RNF216: variants seen among roughly 807,000 people sequenced by gnomAD.
RNF216 encodes the protein ring finger protein 216, also known as E3 ubiquitin-protein ligase RNF216.
RNF216 carries 72 observed loss-of-function variants against 110.8 expected under a neutral mutation model. The ratio of observed to expected loss-of-function variants is 0.65; its 90% CI spans 0.54 to 0.79. RNF216 has a LOEUF of 0.79. Among genes scored for constraint, RNF216 ranks in the 30% least tolerant of loss-of-function variants. RNF216 has a pLI of 0.00. For missense variants in RNF216, 1,342 were observed against 1,141.2 expected (o/e 1.18, Z -2.54); for synonymous variants, 495 against 407.5 (o/e 1.21, Z -2.59).
At chr7:5,730,494 C>T (rs1794023675) in intron 6 of RNF216, among the ~76,000 whole-genome samples, 1 of 152,164 alleles carries the variant, frequency 6.6e-6, no homozygotes, top group African/African-American at 2.4e-5. Context: ...ATAAGAATTA[C>T]AAGGAAAGAT....
chr7:5,738,868 T>C (rs1794591455), intron 5 of RNF216, among the ~76,000 whole-genome samples: 1 of 152,172 alleles, frequency 6.6e-6, no homozygotes, highest in Admixed American at 6.5e-5. Flanking sequence ...CATAATTCTA[T>C]AACCATGCAG....
At chr7:5,660,319 G>A (rs1325033140) in intron 13 of RNF216, among the ~76,000 whole-genome samples, 2 of 82,844 alleles carry the variant, frequency 2.4e-5, no homozygotes, top group African/African-American at 8.5e-5. Context: ...TTGAGATGGA[G>A]TCTCGCTTTG....
intron 13 of RNF216, among the ~76,000 whole-genome samples, chr7:5,664,364 T>C (rs539057877): frequency 1.3e-5 from 2 of 152,290 alleles, no homozygotes; most frequent in East Asian, 1.9e-4. Context: ...CCCTAATGTC[T>C]TTCCCCAATT....
At chr7:5,687,791 G>A (rs1287938545) in intron 13 of RNF216, among the ~76,000 whole-genome samples, 1 of 152,198 alleles carries the variant, frequency 6.6e-6, no homozygotes, top group Non-Finnish European at 1.5e-5. Flanking sequence ...TAAGTTTAAA[G>A]GTGCTAAGAG....
rs564529290 is a variant in RNF216 at position 5,625,751 on chromosome 7, G to T, written c.2383-1626C>A. ...CAACAATGAAACAGAAAGGCAGATG[G>T]ACTGAGTAAGTAATTAGATAACACA... On this transcript the variant is annotated intron_variant, in intron 15 of 16. Transcript: ENST00000389902. Among the ~76,000 whole-genome samples, 6 of 152,344 alleles carry T rather than the reference G, an allele frequency of 3.9e-5. No homozygotes were observed. In the East Asian group the frequency reaches 1.2e-3, roughly 29 times the overall value.
intron 3 of RNF216, among the ~76,000 whole-genome samples, chr7:5,749,711 T>C (rs1377368605): frequency 1.3e-5 from 2 of 152,218 alleles, no homozygotes; most frequent in East Asian, 1.9e-4. Context: ...CAAAGATGTA[T>C]ATGCGAAAAA....
In RNF216 at chr7:5,759,633, C is replaced by CTTCTTTTTTTTTTTTTTTTTT. The variant is rs59390560; in HGVS notation, c.67+1369_67+1370insAAAAAAAAAAAAAAAAAAGAA. 1.5e-5 allele frequency among the ~76,000 whole-genome samples: 2 copies of CTTCTTTTTTTTTTTTTTTTTT among 131,182 alleles called. 1 individual carries two copies. 86.1% of individuals were successfully genotyped at this position (131,182 alleles called of 152,430 possible). A position where few individuals can be genotyped will look rare whatever the true frequency, so the allele number is the denominator to read the frequency against. On this transcript the variant is annotated intron_variant, in intron 2 of 16. Coordinates refer to ENST00000389902, the MANE Select transcript of RNF216 (RefSeq NM_207111.4). ...AAGTTTTGGTGGAGTCATTTTTCTT[C>CTTCTTTTTTTTTTTTTTTTTT]TTTTTTTTTTTTTTTTGAGACGGAG...
At chr7:5,703,744 C>T (rs1242606297) in intron 13 of RNF216, among the ~76,000 whole-genome samples, 1 of 152,250 alleles carries the variant, frequency 6.6e-6, no homozygotes, top group East Asian at 1.9e-4. Context: ...TCTTCAGTTA[C>T]TCTGATTAAA....
intron 8 of RNF216, among the ~76,000 whole-genome samples, chr7:5,723,312 T>C (rs1241697426): frequency 6.6e-6 from 1 of 152,192 alleles, no homozygotes; most frequent in Non-Finnish European, 1.5e-5. Flanking sequence ...TAGTTTATCA[T>C]GTTAAAGTAA....
chr7:5,779,602 G>C (rs1796964542), intron 1 of RNF216, among the ~76,000 whole-genome samples: 1 of 150,314 alleles, frequency 6.7e-6, no homozygotes, highest in Non-Finnish European at 1.5e-5. Flanking sequence ...TGCTTTGGGA[G>C]GCTGAGGGTC....
At chr7:5,733,824 C>T (rs1287214613) in intron 5 of RNF216, among the ~76,000 whole-genome samples, 1 of 152,152 alleles carries the variant, frequency 6.6e-6, no homozygotes, top group East Asian at 1.9e-4. Context: ...CAAAAAATAA[C>T]ATCATAACTC....
intron 13 of RNF216, among the ~76,000 whole-genome samples, chr7:5,664,986 C>A (rs1240718705): frequency 6.6e-6 from 1 of 152,128 alleles, no homozygotes; most frequent in Non-Finnish European, 1.5e-5. Context: ...TTAGGAGAGA[C>A]TGGGTTTCAC....
At chr7:5,737,938 A>G (rs1418882403) in intron 5 of RNF216, among the ~76,000 whole-genome samples, 1 of 152,012 alleles carries the variant, frequency 6.6e-6, no homozygotes, top group East Asian at 1.9e-4. Context: ...AAATACAAAA[A>G]TTAGCCGGAC....
chr7:5,707,119 T>C (rs1286554438), intron 13 of RNF216, among the ~76,000 whole-genome samples: 2 of 152,222 alleles, frequency 1.3e-5, no homozygotes, highest in Admixed American at 6.5e-5. Context: ...CACTGTATTA[T>C]GTTCCATTGG....
chr7:5,725,313 G>C lies in RNF216; in HGVS notation c.1504+11C>G, dbSNP rs767981806. 6 of 1,480,312 alleles carry C rather than the reference G, an allele frequency of 4.1e-6. No homozygotes were observed. In the South Asian group the frequency reaches 6.8e-5, roughly 17 times the overall value. 91.7% of individuals were successfully genotyped at this position (1,480,312 alleles called of 1,614,324 possible). A position where few individuals can be genotyped will look rare whatever the true frequency, so the allele number is the denominator to read the frequency against. On this transcript the variant is annotated intron_variant, in intron 8 of 16. Coordinates refer to ENST00000389902, the MANE Select transcript of RNF216 (RefSeq NM_207111.4). ...GCAGCTACACACTGCCACCAACACA[G>C]TTTGCATTACCTTGTTCAAACTTGA... is the stretch of plus-strand genomic sequence containing the variant.
chr7:5,778,202 T>TC (rs1796889050), intron 1 of RNF216, among the ~76,000 whole-genome samples: 2 of 152,198 alleles, frequency 1.3e-5, no homozygotes, highest in Admixed American at 1.3e-4. Context: ...CTCATACCTT[T>TC]TCCCCCCGCA....
intron 14 of RNF216, among the ~76,000 whole-genome samples, chr7:5,642,501 C>A (rs189610760): frequency 1.5e-4 from 22 of 151,216 alleles, no homozygotes. Flanking sequence ...AAGTGTGAGC[C>A]ACTGTGCCTG....
At chr7:5,641,704 C>T (rs1787743249) in intron 14 of RNF216, among the ~76,000 whole-genome samples, 1 of 152,098 alleles carries the variant, frequency 6.6e-6, no homozygotes, top group Admixed American at 6.6e-5. Context: ...TAGAAAAGGA[C>T]TGCTCTATTT....
At chr7:5,699,952 G>C (rs1791859151) in intron 13 of RNF216, among the ~76,000 whole-genome samples, 1 of 152,210 alleles carries the variant, frequency 6.6e-6, no homozygotes, top group Non-Finnish European at 1.5e-5. Context: ...ATTGCAACTG[G>C]AATCTGACCT....
Sources: gnomAD v4.1 joint callset for allele counts (sites outside exome capture counted in the v4.1 genomes callset) on GRCh38, gnomAD v4.1.1 for gene constraint, MANE v1.5 for transcripts, NCBI Gene and HGNC (gene_info 2026-07-23, HGNC 2026-07-21) for gene names.